Variants in TACR1 observed in about 807,000 individuals in gnomAD.
TACR1 encodes tachykinin receptor 1, also known as substance-P receptor.
Under a neutral mutation model 35.8 loss-of-function variants are expected in TACR1, and 25 were observed. The ratio of observed to expected loss-of-function variants is 0.70; its 90% confidence interval spans 0.51 to 0.98. TACR1 has a LOEUF of 0.98. Ranked by LOEUF, TACR1 falls within the 50% of genes least tolerant of loss-of-function variation. The pLI is 0.00. For missense variants in TACR1, 478 were observed against 522.9 expected (o/e 0.91, Z 0.84); for synonymous variants, 195 against 206.7 (o/e 0.94, Z 0.48).
intron 1 of TACR1, among the ~76,000 whole-genome samples, chr2:75,150,698 TTGC>T (rs1018519995): frequency 6.6e-6 from 1 of 152,150 alleles, no homozygotes; most frequent in African/African-American, 2.4e-5. Flanking sequence ...GAGTGGGGCA[TTGC>T]TGAAAAGATA....
At chr2:75,080,470 A>G (rs1307641489) in intron 2 of TACR1, among the ~76,000 whole-genome samples, 1 of 152,198 alleles carries the variant, frequency 6.6e-6, no homozygotes, top group Non-Finnish European at 1.5e-5. Context: ...GGTCAGTTAT[A>G]GTTAGATTTT....
chr2:75,166,505 A>G lies in TACR1; in HGVS notation c.389+32041T>C, dbSNP rs79530362. Among the ~76,000 whole-genome samples, 23 of 152,200 alleles carry G rather than the reference A, an allele frequency of 1.5e-4. 1 individual carries two copies. The highest frequency in any genetic ancestry group is 9.6e-4 in the East Asian group (5 of 5,198). On this transcript the variant is annotated intron_variant, in intron 1 of 4. Coordinates refer to ENST00000305249, the MANE Select transcript of TACR1 (RefSeq NM_001058.4). The stretch of plus-strand genomic sequence containing the variant: ...GTGATGAAAACTTAGTCGTTGGCCA[A>G]TCAATCAGCGCTCCTTCTGTCTTAC...
rs186709034 is a variant in TACR1, at chr2:75,158,741, G to A, written c.390-37973C>T. On this transcript the variant is annotated intron_variant, in intron 1 of 4. Coordinates refer to ENST00000305249, the MANE Select transcript of TACR1 (RefSeq NM_001058.4). Reference sequence around the variant, plus strand: ...TCCTCAAATCAATATGCCCAGCATCGCAAAGGAAGCAGAACTGAAAAGAGA... The same window carrying A: ...TCCTCAAATCAATATGCCCAGCATCACAAAGGAAGCAGAACTGAAAAGAGA... Among the ~76,000 whole-genome samples, 672 of 152,246 alleles carry A rather than the reference G, an allele frequency of 4.4e-3. 1 individual carries two copies. Among genetic ancestry groups the A allele is most frequent in the Non-Finnish European group, 5.8e-3 (393 of 68,018 alleles).
rs755514299 is a variant in TACR1 at position 75,198,896 on chromosome 2, TG to T, written c.38del (p.Pro13GlnfsTer32). 6.2e-7 allele frequency: 1 copy of T among 1,613,850 alleles called. No individual in the cohort carries two copies. The highest frequency in any genetic ancestry group is 8.5e-7 in the Non-Finnish European group (1 of 1,180,018). ...GTTCCGAGGTGTTAGTGGAGATGTT[TG>T]GGGAGAGGTCTGAGTCCACCGGGAG... Reference protein sequence around the residue: ...NVLPVDSDLSPNISTNTSEPN... With the variant: ...NVLPVDSDLSXNISTNTSEPN... On this transcript the variant is annotated frameshift_variant, in exon 1 of 5. Coordinates refer to ENST00000305249, the MANE Select transcript of TACR1 (RefSeq NM_001058.4). LOFTEE classifies it high-confidence loss of function.
chr2:75,085,485 C>T (rs1673173014), intron 2 of TACR1, among the ~76,000 whole-genome samples: 1 of 152,218 alleles, frequency 6.6e-6, no homozygotes, highest in African/African-American at 2.4e-5. Context: ...AGTAGTTACT[C>T]TCCAATCTTG....
chr2:75,088,133 C>A (rs772862215), intron 2 of TACR1, among the ~76,000 whole-genome samples: 29 of 152,280 alleles, frequency 1.9e-4, no homozygotes, highest in Non-Finnish European at 4.0e-4. Context: ...TCAAACCATC[C>A]ATGTAGCCAG....
chr2:75,062,866 CATT>C (rs1235443494), intron 2 of TACR1, among the ~76,000 whole-genome samples: 6 of 152,180 alleles, frequency 3.9e-5, no homozygotes, highest in Non-Finnish European at 7.3e-5. Flanking sequence ...ATTCTTAACT[CATT>C]GTAACTTAAA....
intron 1 of TACR1, among the ~76,000 whole-genome samples, chr2:75,147,306 G>A (rs947446948): frequency 5.3e-5 from 8 of 152,188 alleles, no homozygotes; most frequent in African/African-American, 1.9e-4. Context: ...TATTTCCCCA[G>A]AACCTCAGTG....
chr2:75,195,080 G>C (rs1675933632), intron 1 of TACR1, among the ~76,000 whole-genome samples: 2 of 152,054 alleles, frequency 1.3e-5, no homozygotes, highest in Admixed American at 6.5e-5. Context: ...ACCTCTCTGT[G>C]TCCCCCATCT....
intron 2 of TACR1, among the ~76,000 whole-genome samples, chr2:75,073,398 C>T (rs1230202955): frequency 6.6e-6 from 1 of 152,214 alleles, no homozygotes; most frequent in African/African-American, 2.4e-5. Flanking sequence ...GGCTTAGAGC[C>T]AACTTCTTTG....
At chr2:75,109,680 T>C (rs1673714082) in intron 2 of TACR1, among the ~76,000 whole-genome samples, 1 of 152,196 alleles carries the variant, frequency 6.6e-6, no homozygotes, top group Non-Finnish European at 1.5e-5. Flanking sequence ...AAAAATGCTG[T>C]TGCACTTAGG....
intron 2 of TACR1, among the ~76,000 whole-genome samples, chr2:75,098,733 C>G (rs1673471817): frequency 6.6e-6 from 1 of 152,114 alleles, no homozygotes; most frequent in Non-Finnish European, 1.5e-5. Context: ...CATTAGCTAA[C>G]CCAGTCTCTC....
intron 1 of TACR1, among the ~76,000 whole-genome samples, chr2:75,155,376 T>C (rs1007926633): frequency 4.6e-5 from 7 of 152,134 alleles, no homozygotes; most frequent in African/African-American, 1.7e-4. Context: ...TCTTCTCCTC[T>C]CCTCTTTTTC....
chr2:75,134,882 C>G (rs1674248984), intron 1 of TACR1, among the ~76,000 whole-genome samples: 1 of 152,148 alleles, frequency 6.6e-6, no homozygotes, highest in Non-Finnish European at 1.5e-5. Context: ...GATGAAGAAA[C>G]AAGGCTAGAG....
chr2:75,171,311 C>T (rs2104017876), intron 1 of TACR1, among the ~76,000 whole-genome samples: 1 of 152,290 alleles, frequency 6.6e-6, no homozygotes, highest in East Asian at 1.9e-4. Context: ...TGTGGGTGCA[C>T]AAAAGTCAAG....
intron 2 of TACR1, among the ~76,000 whole-genome samples, chr2:75,117,164 T>C (rs1034240490): frequency 1.7e-4 from 23 of 138,840 alleles, no homozygotes; most frequent in African/African-American, 6.3e-4. Context: ...TGTGTGTGTG[T>C]GTGAAGCCCA....
In TACR1 at chr2:75,198,802, T is replaced by G; in HGVS notation, c.133A>C (p.Thr45Pro). 6.2e-7 allele frequency: 1 copy of G among 1,613,718 alleles called. No homozygotes were observed. The highest frequency in any genetic ancestry group is 8.5e-7 in the Non-Finnish European group (1 of 1,179,930). ...ACTACCACGTTGCCCACCACAGAGG[T>G]CACCACAATGACCGTGTAGGCAGCT... is the stretch of plus-strand genomic sequence containing the variant. Reference protein sequence around the residue: ...WAAAYTVIVVTSVVGNVVVMW... With the variant: ...WAAAYTVIVVPSVVGNVVVMW... Residue 45 changes from threonine to proline, a missense_variant, in exon 1 of 5, where the codon ACC (threonine) becomes CCC (proline). Transcript: ENST00000305249.
Position 75,049,636 on chromosome 2 carries a change from C to G in TACR1, c.1020G>C (p.Arg340=), listed in dbSNP as rs748071002. The G allele has an allele frequency of 5.0e-6, 8 of 1,614,028 alleles. No homozygotes were observed. The African/African-American group carries it at 1.1e-4, about 22-fold the overall frequency. ...DYEGLEMKST[R]YLQTQGSVYK... ...ACACACTGCCCTGGGTCTGGAGATA[C>G]CGGGTGGATTTCATTTCCAGCCCCT... is the stretch of plus-strand genomic sequence containing the variant. The change falls in exon 5 of 5, where the codon CGG becomes CGC. Residue 340 remains arginine (R), a synonymous_variant. Transcript: ENST00000305249.
rs557598345 is a variant in TACR1, at chr2:75,176,391, G to A, written c.389+22155C>T. ...ATCTCAGATTCCAGGTTCCTCTCTCGGTTGGAGAGTCTTCTCCACGCCAAC... is the reference window on the plus strand; with the variant it reads ...ATCTCAGATTCCAGGTTCCTCTCTCAGTTGGAGAGTCTTCTCCACGCCAAC... On this transcript the variant is annotated intron_variant, in intron 1 of 4. Transcript: ENST00000305249. Among the ~76,000 whole-genome samples the A allele has an allele frequency of 4.7e-5, 7 of 150,082 alleles. No individual in the cohort carries two copies. The East Asian group carries it at 1.2e-3, about 25-fold the overall frequency.
Sources: gnomAD v4.1 joint callset for allele counts (sites outside exome capture counted in the v4.1 genomes callset) on GRCh38, gnomAD v4.1.1 for gene constraint, MANE v1.5 for transcripts, NCBI Gene and HGNC (gene_info 2026-07-23, HGNC 2026-07-21) for gene names.